The following ALOXE3 variants were observed in gnomAD, a reference collection of about 807,000 sequenced individuals.
ALOXE3 encodes hydroperoxide isomerase ALOXE3.
Under a neutral mutation model 87.5 loss-of-function variants are expected in ALOXE3, and 78 were observed. That is an observed-to-expected ratio of 0.89 (90% confidence interval 0.74 to 1.08). ALOXE3 has a LOEUF of 1.08. ALOXE3 is among the 50% of genes least tolerant of loss of function. The pLI is 0.00. For synonymous variants in ALOXE3, 363 were observed against 370.8 expected, an observed-to-expected ratio of 0.98 and a Z score of 0.24; for missense variants, 946 against 912.4, an observed-to-expected ratio of 1.04 and a Z score of -0.47.
chr17:8,099,937 A>G (rs1442848), intron 15 of ALOXE3, among the ~76,000 whole-genome samples: 121,207 of 151,806 alleles, frequency 0.8, 48,502 homozygotes, highest in East Asian at 0.86. Flanking sequence ...AGGCGTGGTG[A>G]TGCCTGTGGC....
In ALOXE3 at chr17:8,104,160, G is replaced by T; in HGVS notation, c.1740C>A (p.Ile580=). The change falls in exon 14 of 16, where the codon ATC becomes ATA. Residue 580 remains isoleucine (I), a synonymous_variant. Transcript: ENST00000448843. ...PGEMVKFLTA[I]IFNCSAQHAA... ...CGTGCTGGGCAGAGCAATTGAAGAT[G>T]ATTGCAGTGAGGAACTTCACCATCT... The T allele has an allele frequency of 6.2e-7, 1 of 1,613,998 alleles. No homozygotes were observed. The highest frequency in any genetic ancestry group is 1.1e-5 in the South Asian group (1 of 91,064).
intron 13 of ALOXE3, among the ~76,000 whole-genome samples, chr17:8,107,814 AAAGAAAGAAAGAAAGAAAGAAAG>A (rs1979456541): frequency 8.9e-4 from 2 of 2,246 alleles, no homozygotes; most frequent in African/African-American, 1.4e-3. Context: ...AAAAAACAAG[AAAGAAAGAAAGAAAGAAAGAAAG>A]AAAGAAAGAA....
rs750864662 is a variant in ALOXE3, at chr17:8,115,679, A to G, written c.362T>C (p.Ile121Thr). ...GAGGAGGGGAAGAGAGTCCTGACAA[A>G]TAGTTCTTGCTGTGGGGAATGAAAA... The part of the protein sequence containing the change: ...VELRPGTART[I>T]CQDSLPLLLD... Residue 121 changes from isoleucine to threonine, a missense_variant, in exon 4 of 16, where the codon ATT becomes ACT. Coordinates refer to ENST00000448843, the MANE Select transcript of ALOXE3 (RefSeq NM_021628.3). The G allele has an allele frequency of 3.1e-6, 5 of 1,613,396 alleles. No individual in the cohort carries two copies. In the East Asian group the frequency reaches 1.1e-4, roughly 36 times the overall value.
Position 8,112,073 on chromosome 17 carries a change from T to A in ALOXE3, c.784+20A>T, listed in dbSNP as rs763353813. 1 of 1,605,696 alleles carries A rather than the reference T, an allele frequency of 6.2e-7. No individual in the cohort carries two copies. Among genetic ancestry groups the A allele is most frequent in the Admixed American group, 1.7e-5 (1 of 60,018 alleles). On this transcript the variant is annotated intron_variant, in intron 7 of 15. Coordinates refer to ENST00000448843, the MANE Select transcript of ALOXE3 (RefSeq NM_021628.3). ...TGAGATAAGGTGAGGGGTAGACATC[T>A]CCTGCCTGGCTCTGCTCACTTGTCG...
chr17:8,096,406 G>T lies in ALOXE3; in HGVS notation c.*221C>A. 1 of 574,384 alleles carries T rather than the reference G, an allele frequency of 1.7e-6. No homozygotes were observed. Among genetic ancestry groups the T allele is most frequent in the Non-Finnish European group, 3.1e-6 (1 of 320,144 alleles). 35.6% of individuals were successfully genotyped at this position (574,384 alleles called of 1,614,324 possible). ...AGGGGCTATTGTGCATTGGACTTTG[G>T]TCAGCGGCTTTTAACCTGGACGCTG... On this transcript the variant is annotated 3_prime_UTR_variant, in exon 16 of 16. Coordinates refer to ENST00000448843, the MANE Select transcript of ALOXE3 (RefSeq NM_021628.3).
At chr17:8,107,507 ACT>A (rs1476804044) in intron 13 of ALOXE3, among the ~76,000 whole-genome samples, 1 of 151,600 alleles carries the variant, frequency 6.6e-6, no homozygotes, top group Non-Finnish European at 1.5e-5. Flanking sequence ...ACAAAGTAAG[ACT>A]CTGTCTCGCA....
At chr17:8,101,449 T>A (rs947345212) in intron 15 of ALOXE3, among the ~76,000 whole-genome samples, 6 of 152,182 alleles carry the variant, frequency 3.9e-5, no homozygotes, top group Non-Finnish European at 8.8e-5. Flanking sequence ...ATTATTGTTG[T>A]TATAAATTTC....
Position 8,098,908 on chromosome 17 carries a change from C to T in ALOXE3, c.1957-2102G>A, listed in dbSNP as rs72845581. 6.2e-3 allele frequency among the ~76,000 whole-genome samples: 937 copies of T among 151,900 alleles called. 3 individuals are homozygous for T. Among genetic ancestry groups the T allele is most frequent in the Non-Finnish European group, 9.5e-3 (645 of 67,958 alleles). ...CTCTGTCACCCAGGCAGAAGTGTAG[C>T]GATGGGATCACAGCTTACCACAGCC... On this transcript the variant is annotated intron_variant, in intron 15 of 15. Transcript: ENST00000448843.
intron 2 of ALOXE3, among the ~76,000 whole-genome samples, chr17:8,117,256 T>TA (rs1056149406): frequency 1.7e-4 from 26 of 152,270 alleles, no homozygotes; most frequent in African/African-American, 6.0e-4. Flanking sequence ...GCTTCTCTAC[T>TA]AAAAATACAA....
At chr17:8,108,920 T>C (rs914184441) in intron 12 of ALOXE3, among the ~76,000 whole-genome samples, 1 of 152,102 alleles carries the variant, frequency 6.6e-6, no homozygotes, top group African/African-American at 2.4e-5. Flanking sequence ...GCTTAAATGA[T>C]GCACCAGCCC....
At chr17:8,114,655 T>C (rs779230467) in intron 5 of ALOXE3, 46 bp from the exon 6 acceptor site, 1 of 1,612,372 alleles carries the variant, frequency 6.2e-7, no homozygotes, top group Non-Finnish European at 8.5e-7. Context: ...CAGTGGGCCC[T>C]GAAGCCCAGC....
intron 14 of ALOXE3, 22 bp from the exon 15 acceptor site, chr17:8,103,515 T>G (rs202147923): frequency 1.9e-6 from 3 of 1,612,942 alleles, no homozygotes; most frequent in East Asian, 2.2e-5. Context: ...CCCATCCCAG[T>G]TGGGTCAGTT....
At chr17:8,104,069 C>A in intron 14 of ALOXE3, 46 bp downstream of exon 14, 1 of 1,552,124 alleles carries the variant, frequency 6.4e-7, no homozygotes, top group Non-Finnish European at 8.9e-7. Flanking sequence ...GCCTCAAGTC[C>A]ATTGCTGAGA....
intron 13 of ALOXE3, among the ~76,000 whole-genome samples, chr17:8,107,756 G>T (rs12938410): frequency 0.39 from 46,125 of 117,424 alleles, 9,308 homozygotes; most frequent in Non-Finnish European, 0.46. Context: ...CAGAGATCGC[G>T]CCACTGCACT....
intron 13 of ALOXE3, among the ~76,000 whole-genome samples, chr17:8,107,967 AG>A (rs1177216394): frequency 1.9e-4 from 3 of 15,942 alleles, no homozygotes; most frequent in Non-Finnish European, 3.0e-4. Flanking sequence ...GAAAGGAAGG[AG>A]AGAGAGAGAG....
rs1378298472 is a variant in ALOXE3, at chr17:8,110,257, C to T, written c.1140G>A (p.Leu380=). 6.2e-7 allele frequency: 1 copy of T among 1,614,032 alleles called. No individual in the cohort carries two copies. The highest frequency in any genetic ancestry group is 1.6e-4 in the Middle Eastern group (1 of 6,062). Residue 380 remains leucine, a synonymous_variant, in exon 10 of 16, where the codon CTG becomes CTA. Transcript: ENST00000448843. ...QTPGPDSPIF[L]PTDSEWDWLL... is the part of the protein sequence containing the mutation. The stretch of plus-strand genomic sequence containing the variant: ...GCCAGTCCCATTCGGAGTCAGTGGG[C>T]AGGAAGATGGGGCTGTCAGGCCCGG...
At chr17:8,113,238 A>C (rs1980258332) in intron 6 of ALOXE3, among the ~76,000 whole-genome samples, 1 of 152,212 alleles carries the variant, frequency 6.6e-6, no homozygotes, top group Admixed American at 6.5e-5. Context: ...TTGTATTGTA[A>C]GCCCAGTGGA....
At chr17:8,101,059 C>T (rs1248989981) in intron 15 of ALOXE3, among the ~76,000 whole-genome samples, 7 of 149,174 alleles carry the variant, frequency 4.7e-5, no homozygotes, top group Non-Finnish European at 7.4e-5. Flanking sequence ...TGGAACTTCA[C>T]TCTTGTTGCC....
intron 7 of ALOXE3, 138 bp downstream of exon 7, chr17:8,111,955 A>G: frequency 1.2e-6 from 1 of 800,396 alleles, no homozygotes; most frequent in Admixed American, 1.9e-5. Context: ...GCCACCAGTG[A>G]AGCCAGGAGC....
Sources: gnomAD v4.1 joint callset for allele counts (sites outside exome capture counted in the v4.1 genomes callset) on GRCh38, gnomAD v4.1.1 for gene constraint, MANE v1.5 for transcripts, NCBI Gene and HGNC (gene_info 2026-07-23, HGNC 2026-07-21) for gene names.